STAB2: variants seen among roughly 807,000 people sequenced by gnomAD.
STAB2 encodes the protein stabilin-2.
STAB2 carries 288 observed loss-of-function variants against 338.1 expected under a neutral mutation model. The ratio of observed to expected loss-of-function variants is 0.85; its 90% CI spans 0.77 to 0.94. The LOEUF (loss-of-function observed/expected upper bound fraction) is 0.94, where lower values mean the gene tolerates loss of function less well. Among genes scored for constraint, STAB2 ranks in the 40% least tolerant of loss-of-function variants. STAB2 has a pLI of 0.00. For synonymous variants in STAB2, 1,202 were observed against 1,193.3 expected (o/e 1.01, Z -0.15); for missense variants, 3,141 against 3,210.1 (o/e 0.98, Z 0.52).
intron 6 of STAB2, among the ~76,000 whole-genome samples, chr12:103,634,405 T>C (rs771552749): frequency 2.5e-4 from 38 of 152,206 alleles, no homozygotes; most frequent in Non-Finnish European, 5.1e-4. Context: ...AAAAGGCAAG[T>C]ACCGTGTGAA....
At chr12:103,715,594 C>T (rs920613979) in intron 42 of STAB2, among the ~76,000 whole-genome samples, 1 of 152,202 alleles carries the variant, frequency 6.6e-6, no homozygotes, top group Non-Finnish European at 1.5e-5. Context: ...TAGACAATCC[C>T]TCTGCTGGAA....
At chr12:103,600,603 G>A (rs1956939510) in intron 3 of STAB2, among the ~76,000 whole-genome samples, 2 of 152,292 alleles carry the variant, frequency 1.3e-5, no homozygotes, top group South Asian at 4.1e-4. Flanking sequence ...TTCAACATAT[G>A]AATTTAGGGA....
In STAB2 at chr12:103,746,518, A is replaced by T. The variant is rs1245865749; in HGVS notation, c.6137-79A>T. The T allele has an allele frequency of 6.8e-6, 9 of 1,323,862 alleles. No homozygotes were observed. The East Asian group carries it at 1.2e-4, about 17-fold the overall frequency. The allele number at this position is 1,323,862 out of a possible 1,614,324, so 82.0% of individuals were successfully genotyped here. A position where few individuals can be genotyped will look rare whatever the true frequency, so the allele number is the denominator to read the frequency against. On this transcript the variant is annotated intron_variant, in intron 57 of 68. Coordinates refer to ENST00000388887, the MANE Select transcript of STAB2 (RefSeq NM_017564.10). ...ATGAACACAGTGGTCGTCCAGAGAG[A>T]GTCTTGGAAAGTCTCCTTAGATGGG... is the stretch of plus-strand genomic sequence containing the variant.
intron 20 of STAB2, 39 bp from the exon 21 acceptor site, chr12:103,669,502 C>T: frequency 6.5e-7 from 1 of 1,532,058 alleles, no homozygotes; most frequent in Non-Finnish European, 9.0e-7. Flanking sequence ...TGGTGCTCTA[C>T]TTGGGGGTTC....
intron 3 of STAB2, among the ~76,000 whole-genome samples, chr12:103,602,454 A>G (rs1956967829): frequency 6.6e-6 from 1 of 152,250 alleles, no homozygotes; most frequent in African/African-American, 2.4e-5. Context: ...TTTGGGGTGA[A>G]TGTAAGTTTT....
chr12:103,745,245 G>C lies in STAB2; in HGVS notation c.6104G>C (p.Gly2035Ala), dbSNP rs780926571. ...TCCGGGCAGTGCCTCTGTGAAACGG[G>C]GTGGACAGGCCCCTCGTGTGACACT... is the stretch of plus-strand genomic sequence containing the variant. ...TGSGQCLCET[G>A]WTGPSCDTQA... is the part of the protein sequence containing the mutation. Residue 2035 changes from glycine to alanine, a missense_variant, in exon 57 of 69, where the codon GGG (glycine) becomes GCG (alanine). Coordinates refer to ENST00000388887, the MANE Select transcript of STAB2 (RefSeq NM_017564.10). 7 of 1,613,806 alleles carry C rather than the reference G, an allele frequency of 4.3e-6. No individual in the cohort carries two copies. Among genetic ancestry groups the C allele is most frequent in the African/African-American group, 2.7e-5 (2 of 74,926 alleles).
rs999241557 is a variant in STAB2, at chr12:103,622,070, C to T, written c.446C>T (p.Thr149Ile). 6.2e-7 allele frequency: 1 copy of T among 1,614,172 alleles called. No homozygotes were observed. The highest frequency in any genetic ancestry group is 8.5e-7 in the Non-Finnish European group (1 of 1,180,032). The part of the protein sequence containing the change: ...QEGFGGTACE[T>I]CADDNLFGPS... The stretch of plus-strand genomic sequence containing the variant: ...GGGTTTGGTGGAACAGCCTGTGAAA[C>T]CTGTGCTGACGACAACTTATTTGGA... The change falls in exon 5 of 69, where the codon ACC becomes ATC. Residue 149 changes from threonine (T) to isoleucine (I), a missense_variant. Thr to Ile is a moderately conservative substitution (Grantham distance 89). Transcript: ENST00000388887.
intron 10 of STAB2, among the ~76,000 whole-genome samples, chr12:103,650,005 C>T (rs556782912): frequency 4.3e-4 from 65 of 152,304 alleles, no homozygotes; most frequent in African/African-American, 1.5e-3. Context: ...TACCTACATA[C>T]TTTGCTGGGC....
chr12:103,755,813 C>A, intron 63 of STAB2, 95 bp downstream of exon 63: 1 of 1,182,018 alleles, frequency 8.5e-7, no homozygotes, highest in Non-Finnish European at 1.2e-6. Flanking sequence ...AGGCCACAGT[C>A]ACAGTTAAGA....
chr12:103,754,959 A>C (rs1325683711), intron 61 of STAB2: 1 of 225,794 alleles, frequency 4.4e-6, no homozygotes, highest in African/African-American at 2.3e-5. Context: ...AAAAAAAAAA[A>C]AATTTGAGTT....
At position 103,711,525 on chromosome 12, in the gene STAB2, C is replaced by A; in HGVS notation, c.4334+9C>A. 2 of 1,614,034 alleles carry A rather than the reference C, an allele frequency of 1.2e-6. No homozygotes were observed. The highest frequency in any genetic ancestry group is 2.2e-5 in the South Asian group (2 of 91,076). ...TGCCATACCAGCGCCAAGTAGGTAG[C>A]CCTGGGCCACCTCTGGGGACAGTGT... On this transcript the variant is annotated intron_variant, in intron 40 of 68. Coordinates refer to ENST00000388887, the MANE Select transcript of STAB2 (RefSeq NM_017564.10).
intron 46 of STAB2, 102 bp downstream of exon 46, chr12:103,726,265 G>A: frequency 8.2e-7 from 1 of 1,219,744 alleles, no homozygotes; most frequent in Non-Finnish European, 1.2e-6. Flanking sequence ...AAGGCGGGCA[G>A]ATTGCCTGAG....
chr12:103,744,329 T>C, intron 56 of STAB2, among the ~76,000 whole-genome samples: 1 of 151,852 alleles, frequency 6.6e-6, no homozygotes, highest in East Asian at 1.9e-4. Flanking sequence ...TTTTTAAATT[T>C]TTTGTAGAGA....
intron 39 of STAB2, among the ~76,000 whole-genome samples, chr12:103,709,684 G>A (rs1010036840): frequency 1.3e-5 from 2 of 152,166 alleles, no homozygotes; most frequent in African/African-American, 4.8e-5. Flanking sequence ...GGTCAGGGAG[G>A]AAGGTTAGTT....
chr12:103,662,797 C>A, intron 17 of STAB2, 49 bp from the exon 18 acceptor site: 1 of 1,594,874 alleles, frequency 6.3e-7, no homozygotes, highest in Non-Finnish European at 8.6e-7. Flanking sequence ...ACTGGCAGTC[C>A]TGCAGTACAG....
At chr12:103,707,858 T>C (rs1879503984) in intron 38 of STAB2, among the ~76,000 whole-genome samples, 1 of 152,242 alleles carries the variant, frequency 6.6e-6, no homozygotes, top group Admixed American at 6.5e-5. Flanking sequence ...TTTTTTCCCA[T>C]GTTATTTGGA....
At position 103,587,340 on chromosome 12, in the gene STAB2, T is replaced by C. The variant is rs1956725488; in HGVS notation, c.-137T>C. ...GTCTCACCTATCTCCTGGTTCGATC[T>C]AGGAAAAAGGAAAGGAAGGGATTTA... is the stretch of plus-strand genomic sequence containing the variant. On this transcript the variant is annotated 5_prime_UTR_variant, in exon 1 of 69. Transcript: ENST00000388887. 10 of 747,174 alleles carry C rather than the reference T, an allele frequency of 1.3e-5. No individual in the cohort carries two copies. The highest frequency in any genetic ancestry group is 2.0e-5 in the Non-Finnish European group (9 of 459,148). 46.3% of individuals were successfully genotyped at this position (747,174 alleles called of 1,614,324 possible). A position where few individuals can be genotyped will look rare whatever the true frequency, so the allele number is the denominator to read the frequency against.
intron 15 of STAB2, among the ~76,000 whole-genome samples, chr12:103,656,024 C>A: frequency 6.6e-6 from 1 of 152,208 alleles, no homozygotes; most frequent in East Asian, 1.9e-4. Context: ...GATGCTTCAG[C>A]CTTTCCTTTC....
At position 103,683,232 on chromosome 12, in the gene STAB2, C is replaced by T. The variant is rs1232858875; in HGVS notation, c.2833C>T (p.Arg945Ter). ...QNECECKKGF[R>*]GNGIDCEPIT... ...TGAGTGTGAGTGCAAGAAAGGATTT[C>T]GAGGAAATGGGATTGACTGTGAACC... Residue 945 changes from arginine to a stop codon, truncating the protein, a stop_gained, in exon 26 of 69, where the codon CGA (arginine) becomes TGA (stop). Coordinates refer to ENST00000388887, the MANE Select transcript of STAB2 (RefSeq NM_017564.10). LOFTEE classifies it high-confidence loss of function. 6.8e-6 allele frequency: 11 copies of T among 1,611,650 alleles called. No individual in the cohort carries two copies. The highest frequency in any genetic ancestry group is 2.2e-5 in the East Asian group (1 of 44,784).
Sources: gnomAD v4.1 joint callset for allele counts (sites outside exome capture counted in the v4.1 genomes callset) on GRCh38, gnomAD v4.1.1 for gene constraint, MANE v1.5 for transcripts, NCBI Gene and HGNC (gene_info 2026-07-23, HGNC 2026-07-21) for gene names.